INPP5A: variants seen among roughly 807,000 people sequenced by gnomAD.
INPP5A encodes inositol polyphosphate-5-phosphatase A, also known as 43 kDa inositol polyphosphate 5-phophatase.
INPP5A carries 14 observed loss-of-function variants against 65.2 expected under a neutral mutation model. The ratio of observed to expected loss-of-function variants is 0.21; its 90% CI spans 0.14 to 0.34. The LOEUF is 0.34. INPP5A is among the 10% of genes least tolerant of loss of function. The probability of loss-of-function intolerance (pLI) is 1.00; values close to 1 mark genes in which losing one functional copy is unlikely to be tolerated. For synonymous variants in INPP5A, 207 were observed against 208.3 expected (o/e 0.99, Z 0.05); for missense variants, 431 against 545.6 (o/e 0.79, Z 2.09).
intron 5 of INPP5A, among the ~76,000 whole-genome samples, chr10:132,690,752 G>A (rs1156730546): frequency 3.3e-5 from 5 of 152,204 alleles, no homozygotes; most frequent in Non-Finnish European, 7.3e-5. Flanking sequence ...ATGAAAAGCC[G>A]AATGAGAGGG....
At chr10:132,558,304 T>TC (rs556898008) in intron 1 of INPP5A, among the ~76,000 whole-genome samples, 381 of 151,818 alleles carry the variant, frequency 2.5e-3, no homozygotes, top group African/African-American at 7.5e-3. Context: ...TCTGGGGCTC[T>TC]CCCCCCCGGC....
chr10:132,658,688 C>A (rs2072693747), intron 4 of INPP5A, among the ~76,000 whole-genome samples: 1 of 152,124 alleles, frequency 6.6e-6, no homozygotes, highest in Admixed American at 6.5e-5. Flanking sequence ...CTGCCCGCAG[C>A]TGGGTGGTCT....
Position 132,644,573 on chromosome 10 carries a change from G to A in INPP5A, c.118-1295G>A, listed in dbSNP as rs995368887. Among the ~76,000 whole-genome samples the A allele has an allele frequency of 3.3e-5, 5 of 152,248 alleles. No homozygotes were observed. The highest frequency in any genetic ancestry group is 2.6e-4 in the Admixed American group (4 of 15,292). On this transcript the variant is annotated intron_variant, in intron 2 of 15. Coordinates refer to ENST00000368594, the MANE Select transcript of INPP5A (RefSeq NM_005539.5). This position sits in a 1 kb window ranked among gnomAD's most constrained non-coding sequence, Gnocchi z 6.5. Reference sequence around the variant, plus strand: ...CTCCACCTGGCTCACAGTGAGTGCCGTGTCGTCGTGAGCACCTCCAGGCTC... The same window carrying A: ...CTCCACCTGGCTCACAGTGAGTGCCATGTCGTCGTGAGCACCTCCAGGCTC...
At chr10:132,565,978 G>A (rs559090945) in intron 1 of INPP5A, among the ~76,000 whole-genome samples, 34 of 152,136 alleles carry the variant, frequency 2.2e-4, no homozygotes, top group African/African-American at 8.2e-4. Flanking sequence ...GTAGCCTGGA[G>A]CAGTCGTAGA....
intron 3 of INPP5A, among the ~76,000 whole-genome samples, chr10:132,648,651 T>C (rs2133395279): frequency 6.6e-6 from 1 of 152,386 alleles, no homozygotes; most frequent in East Asian, 1.9e-4. Flanking sequence ...GTAAATAGAA[T>C]TCTAGCTTGT....
chr10:132,757,588 G>A (rs1388268571), intron 11 of INPP5A, among the ~76,000 whole-genome samples: 3 of 152,216 alleles, frequency 2.0e-5, no homozygotes, highest in Non-Finnish European at 2.9e-5. Context: ...CCGTATCCCC[G>A]TCGTTCCGTG....
At chr10:132,640,857 GGTCCTGTGGCTGGAGGT>G (rs2072419199) in intron 2 of INPP5A, among the ~76,000 whole-genome samples, 1 of 152,210 alleles carries the variant, frequency 6.6e-6, no homozygotes. Flanking sequence ...CAGTGTCCGT[GGTCCTGTGGCTGGAGGT>G]GTCCTGTGGC....
intron 9 of INPP5A, among the ~76,000 whole-genome samples, chr10:132,728,323 G>A (rs750095622): frequency 6.6e-6 from 1 of 152,248 alleles, no homozygotes; most frequent in Non-Finnish European, 1.5e-5. Flanking sequence ...TCCTCGTAGA[G>A]GCTGTCAAAT....
At chr10:132,658,081 G>A (rs911766744) in intron 4 of INPP5A, among the ~76,000 whole-genome samples, 13 of 152,192 alleles carry the variant, frequency 8.5e-5, no homozygotes, top group Non-Finnish European at 1.5e-4. Flanking sequence ...TCCGCTCCCC[G>A]CTGCTGTGAT....
chr10:132,572,719 C>G (rs533138489), intron 1 of INPP5A, among the ~76,000 whole-genome samples: 3 of 152,256 alleles, frequency 2.0e-5, no homozygotes, highest in East Asian at 3.9e-4. Context: ...GGACAGGATT[C>G]AGAGGACACT....
chr10:132,710,424 C>T lies in INPP5A; in HGVS notation c.615C>T (p.Ile205=), dbSNP rs754438749. 1.4e-5 allele frequency: 23 copies of T among 1,613,884 alleles called. No individual in the cohort carries two copies. The Admixed American group carries it at 3.2e-4, about 22-fold the overall frequency. The stretch of plus-strand genomic sequence containing the variant: ...CAAGCCCTTCCGTGTACTCGGGAAT[C>T]CGGCACAAGGCACTGGGCTACGTGC... ...WETSPSVYSG[I]RHKALGYVLD... is the part of the protein sequence containing the mutation. The change falls in exon 8 of 16, where the codon ATC becomes ATT. Residue 205 remains isoleucine (I), a synonymous_variant. Coordinates refer to ENST00000368594, the MANE Select transcript of INPP5A (RefSeq NM_005539.5).
chr10:132,626,878 TAG>T (rs1251878054), intron 2 of INPP5A, among the ~76,000 whole-genome samples: 2 of 152,148 alleles, frequency 1.3e-5, no homozygotes, highest in African/African-American at 4.8e-5. Context: ...TGTGTTCTGC[TAG>T]AGTCTGTTTG....
At chr10:132,633,181 T>C (rs2072296965) in intron 2 of INPP5A, among the ~76,000 whole-genome samples, 1 of 152,150 alleles carries the variant, frequency 6.6e-6, no homozygotes, top group Admixed American at 6.5e-5. Flanking sequence ...TCAGCTTCAG[T>C]AGTGAGCTCC....
At chr10:132,560,451 G>A (rs1271402173) in intron 1 of INPP5A, among the ~76,000 whole-genome samples, 1 of 152,188 alleles carries the variant, frequency 6.6e-6, no homozygotes, top group Non-Finnish European at 1.5e-5. Context: ...CTTTTTTACT[G>A]TAACCGTCCT....
intron 5 of INPP5A, 146 bp downstream of exon 5, chr10:132,690,601 G>A: frequency 1.6e-6 from 1 of 639,244 alleles, no homozygotes; most frequent in Non-Finnish European, 2.7e-6. Flanking sequence ...TCACTCCAGG[G>A]GCCTCCTGGA....
At chr10:132,581,195 T>A (rs941806858) in intron 1 of INPP5A, among the ~76,000 whole-genome samples, 4 of 152,212 alleles carry the variant, frequency 2.6e-5, no homozygotes, top group African/African-American at 9.7e-5. Context: ...ACCAGAGGTT[T>A]GTTCCTTTTC....
intron 4 of INPP5A, among the ~76,000 whole-genome samples, chr10:132,654,842 G>T (rs895674172): frequency 1.3e-5 from 2 of 152,262 alleles, no homozygotes; most frequent in South Asian, 4.1e-4. Context: ...TGAGCCTGTG[G>T]GGGGGACGCG....
chr10:132,775,704 C>T (rs946746197), intron 12 of INPP5A, among the ~76,000 whole-genome samples: 1 of 152,166 alleles, frequency 6.6e-6, no homozygotes, highest in East Asian at 1.9e-4. Flanking sequence ...CTGAGGAAGC[C>T]GCTGCCACTC....
chr10:132,708,270 C>T (rs1469975418), intron 6 of INPP5A, 43 bp from the exon 7 acceptor site: 15 of 1,596,514 alleles, frequency 9.4e-6, no homozygotes, highest in African/African-American at 2.7e-5. Flanking sequence ...GTTGCTCTTG[C>T]TCACTTACTC....
Sources: gnomAD v4.1 joint callset for allele counts (sites outside exome capture counted in the v4.1 genomes callset) on GRCh38, gnomAD v4.1.1 for gene constraint, Gnocchi (gnomAD v3.1) non-coding constraint, MANE v1.5 for transcripts, NCBI Gene and HGNC (gene_info 2026-07-23, HGNC 2026-07-21) for gene names.